Variants in TTC28 observed in about 807,000 individuals in gnomAD.
TTC28 encodes tetratricopeptide repeat protein 28.
Under a neutral mutation model 198.0 loss-of-function variants are expected in TTC28, and 61 were observed. That is an observed-to-expected ratio of 0.31 (90% CI 0.25 to 0.38). The LOEUF is 0.38. TTC28 is among the 10% of genes least tolerant of loss of function. The pLI is 1.00. For missense variants in TTC28, 2,678 were observed against 3,164.0 expected (o/e 0.85, Z 3.69); for synonymous variants, 1,171 against 1,297.8 (o/e 0.90, Z 2.10).
intron 5 of TTC28, among the ~76,000 whole-genome samples, chr22:28,244,158 A>G (rs1929905467): frequency 6.6e-6 from 1 of 152,148 alleles, no homozygotes; most frequent in Non-Finnish European, 1.5e-5. Context: ...GGGGAAAATA[A>G]AGTAGTAAGG....
intron 2 of TTC28, among the ~76,000 whole-genome samples, chr22:28,517,243 G>A (rs1364040309): frequency 4.6e-5 from 7 of 152,148 alleles, no homozygotes; most frequent in African/African-American, 1.7e-4. Flanking sequence ...TGAGAATGAT[G>A]GTTTCCAGCT....
At chr22:28,400,415 T>C (rs2046888685) in intron 2 of TTC28, among the ~76,000 whole-genome samples, 1 of 152,226 alleles carries the variant, frequency 6.6e-6, no homozygotes, top group Non-Finnish European at 1.5e-5. Flanking sequence ...TATTCTATTC[T>C]TATTTTAAAT....
chr22:28,563,169 G>T (rs929305415), intron 2 of TTC28, among the ~76,000 whole-genome samples: 2 of 151,910 alleles, frequency 1.3e-5, no homozygotes. Flanking sequence ...ACAAAAAATA[G>T]AATCTATAGA....
chr22:28,554,668 C>T (rs923289954), intron 2 of TTC28, among the ~76,000 whole-genome samples: 24 of 151,932 alleles, frequency 1.6e-4, no homozygotes, highest in Non-Finnish European at 2.6e-4. Flanking sequence ...GTCAGGAGTT[C>T]GAGACCAGCC....
intron 2 of TTC28, among the ~76,000 whole-genome samples, chr22:28,549,621 A>C (rs1320556843): frequency 6.6e-6 from 1 of 152,232 alleles, no homozygotes; most frequent in African/African-American, 2.4e-5. Flanking sequence ...AAGTTAATAC[A>C]TAATGATTAA....
At chr22:28,183,585 T>C (rs1236117603) in intron 5 of TTC28, among the ~76,000 whole-genome samples, 1 of 152,190 alleles carries the variant, frequency 6.6e-6, no homozygotes, top group Non-Finnish European at 1.5e-5. Context: ...TTGGCTTCCA[T>C]AACTAATATA....
At chr22:28,027,157 C>T (rs2146620799) in intron 13 of TTC28, among the ~76,000 whole-genome samples, 1 of 152,280 alleles carries the variant, frequency 6.6e-6, no homozygotes, top group Non-Finnish European at 1.5e-5. Context: ...CATACATTCC[C>T]ACAGAACCTC....
intron 5 of TTC28, among the ~76,000 whole-genome samples, chr22:28,250,130 T>C (rs750686187): frequency 2.4e-4 from 36 of 152,216 alleles, no homozygotes; most frequent in Non-Finnish European, 4.0e-4. Flanking sequence ...AAATATAGTT[T>C]CTCTAGGAAA....
chr22:28,384,245 T>G (rs144254711), intron 2 of TTC28, among the ~76,000 whole-genome samples: 271 of 152,240 alleles, frequency 1.8e-3, no homozygotes, highest in African/African-American at 6.3e-3. Context: ...TGTTTTTTTG[T>G]TTGTTAGTTG....
chr22:28,079,545 G>C (rs1306406605), intron 12 of TTC28, among the ~76,000 whole-genome samples: 1 of 152,004 alleles, frequency 6.6e-6, no homozygotes, highest in Non-Finnish European at 1.5e-5. Flanking sequence ...CACCATTCTA[G>C]TTCCTGTTTC....
chr22:28,209,647 A>G (rs1226526744), intron 5 of TTC28, among the ~76,000 whole-genome samples: 1 of 152,172 alleles, frequency 6.6e-6, no homozygotes, highest in African/African-American at 2.4e-5. Context: ...AGAAGCTCGA[A>G]CTGGGTGGAG....
At chr22:28,390,048 G>A (rs2046688599) in intron 2 of TTC28, among the ~76,000 whole-genome samples, 1 of 149,962 alleles carries the variant, frequency 6.7e-6, no homozygotes, top group Non-Finnish European at 1.5e-5. Flanking sequence ...TTGTGTCTTT[G>A]TTCTCGTTGG....
At chr22:28,401,847 T>A (rs2046914136) in intron 2 of TTC28, among the ~76,000 whole-genome samples, 1 of 152,182 alleles carries the variant, frequency 6.6e-6, no homozygotes, top group Admixed American at 6.5e-5. Context: ...AATCAATTAA[T>A]TTACTGATTG....
intron 5 of TTC28, among the ~76,000 whole-genome samples, chr22:28,180,211 C>A (rs1434735081): frequency 6.6e-6 from 1 of 152,112 alleles, no homozygotes; most frequent in Non-Finnish European, 1.5e-5. Flanking sequence ...AAAATCTACC[C>A]TTAATCAGCA....
chr22:28,018,244 A>AGTGT (rs138612299), intron 13 of TTC28, among the ~76,000 whole-genome samples: 7,028 of 114,896 alleles, frequency 0.061, 306 homozygotes, highest in African/African-American at 0.099. Flanking sequence ...GCTGCTATTC[A>AGTGT]GTGTGTGTGT....
At chr22:28,523,919 T>TCCTTTTCCTCCTTTCAATC (rs972091296) in intron 2 of TTC28, among the ~76,000 whole-genome samples, 2 of 152,240 alleles carry the variant, frequency 1.3e-5, no homozygotes, top group East Asian at 3.9e-4. Flanking sequence ...ATATTTTTCT[T>TCCTTTTCCTCCTTTCAATC]CCTTTTCCTC....
chr22:28,287,222 T>C (rs1308784362), intron 5 of TTC28, among the ~76,000 whole-genome samples: 4 of 152,178 alleles, frequency 2.6e-5, no homozygotes, highest in Admixed American at 6.5e-5. Flanking sequence ...ATCTTACTTA[T>C]GACAAAAGTA....
chr22:28,649,096 CCA>C (rs1365919411), intron 1 of TTC28, among the ~76,000 whole-genome samples: 3 of 152,108 alleles, frequency 2.0e-5, no homozygotes, highest in Non-Finnish European at 4.4e-5. Context: ...TGATTCCATT[CCA>C]GAGTTAGGGA....
intron 13 of TTC28, among the ~76,000 whole-genome samples, chr22:28,024,714 A>C (rs970497851): frequency 1.3e-5 from 2 of 152,216 alleles, no homozygotes; most frequent in Admixed American, 1.3e-4. Context: ...GAGCACGAGC[A>C]ACCGTTTGAG....
Sources: allele counts gnomAD v4.1 joint callset (sites outside exome capture counted in the v4.1 genomes callset), GRCh38; gene constraint gnomAD v4.1.1; transcripts MANE v1.5; gene names NCBI Gene and HGNC (gene_info 2026-07-23, HGNC 2026-07-21).